Variants in CNGB1 observed in about 807,000 individuals in gnomAD.
CNGB1 encodes cyclic nucleotide gated channel subunit beta 1.
CNGB1 carries 126 observed loss-of-function variants against 151.7 expected under a neutral mutation model. The ratio of observed to expected loss-of-function variants is 0.83; its 90% CI spans 0.72 to 0.96. The LOEUF (loss-of-function observed/expected upper bound fraction) is 0.96, where lower values mean the gene tolerates loss of function less well. CNGB1 is among the 40% of genes least tolerant of loss of function. The probability of loss-of-function intolerance (pLI) is 0.00; values close to 1 mark genes in which losing one functional copy is unlikely to be tolerated. For missense variants in CNGB1, 1,698 were observed against 1,627.0 expected, an observed-to-expected ratio of 1.04 and a Z score of -0.75; for synonymous variants, 623 against 635.1, an observed-to-expected ratio of 0.98 and a Z score of 0.29.
At chr16:57,962,431 C>T in intron 7 of CNGB1, 134 bp downstream of exon 7, 1 of 816,286 alleles carries the variant, frequency 1.2e-6, no homozygotes, top group Non-Finnish European at 2.2e-6. Context: ...TGGCTGGAAA[C>T]AGGCCCAGAA....
In CNGB1 at chr16:57,904,074, C is replaced by T. The variant is rs535858890; in HGVS notation, c.2635-93G>A. 105 of 1,196,000 alleles carry T rather than the reference C, an allele frequency of 8.8e-5. 2 individuals are homozygous for T. The South Asian group carries it at 1.3e-3, about 15-fold the overall frequency. The allele number at this position is 1,196,000 out of a possible 1,614,324, so 74.1% of individuals were successfully genotyped here. A position where few individuals can be genotyped will look rare whatever the true frequency, so the allele number is the denominator to read the frequency against. On this transcript the variant is annotated intron_variant, in intron 26 of 32. Transcript: ENST00000251102. ...TTTGGGATGTGTCACTTCACACAGA[C>T]CACGGGCATGTGCTCCTGGCAGGGC... is the stretch of plus-strand genomic sequence containing the variant.
rs116508796 is a variant in CNGB1 at position 57,935,643 on chromosome 16, G to A, written c.1373-3765C>T. Among the ~76,000 whole-genome samples, 1,160 of 151,774 alleles carry A rather than the reference G, an allele frequency of 7.6e-3. 13 individuals are homozygous for A. The highest frequency in any genetic ancestry group is 0.026 in the African/African-American group (1,068 of 41,404). ...AGCCCGAGCAACAGAGCAAGACTCC[G>A]TCCCCCCCCAAAAAAAAATAGAATT... On this transcript the variant is annotated intron_variant, in intron 16 of 32. Coordinates refer to ENST00000251102, the MANE Select transcript of CNGB1 (RefSeq NM_001297.5).
intron 10 of CNGB1, among the ~76,000 whole-genome samples, chr16:57,958,728 C>T (rs1207201344): frequency 4.4e-5 from 6 of 136,890 alleles, no homozygotes; most frequent in Admixed American, 7.5e-5. Context: ...CACCCGTTCT[C>T]GGAAGGGAGT....
intron 12 of CNGB1, among the ~76,000 whole-genome samples, chr16:57,956,391 G>A (rs764128250): frequency 2.0e-5 from 3 of 152,134 alleles, no homozygotes; most frequent in South Asian, 2.1e-4. Flanking sequence ...TCATGTCATC[G>A]CCATGATTAC....
intron 18 of CNGB1, among the ~76,000 whole-genome samples, chr16:57,922,863 CT>C (rs60779514): frequency 1.3e-3 from 184 of 146,626 alleles, no homozygotes; most frequent in African/African-American, 1.6e-3. Flanking sequence ...GCCAGGGAAT[CT>C]TTTTTTTTTT....
rs72091541 is a variant in CNGB1 at position 57,888,467 on chromosome 16, G to GTC, written c.3243-395_3243-394dup. Among the ~76,000 whole-genome samples the GTC allele has an allele frequency of 6.0e-4, 88 of 147,522 alleles. 1 individual carries two copies. Among genetic ancestry groups the GTC allele is most frequent in the African/African-American group, 1.1e-3 (45 of 40,524 alleles). The stretch of plus-strand genomic sequence containing the variant: ...CCTCTCTCTCTCTGTCTCTGTCTCT[G>GTC]TCTCTCTCTCTCTCTCTTTCTCACA... On this transcript the variant is annotated intron_variant, in intron 31 of 32. Coordinates refer to ENST00000251102, the MANE Select transcript of CNGB1 (RefSeq NM_001297.5).
At chr16:57,960,578 G>A (rs1265511661) in intron 8 of CNGB1, 48 bp from the exon 9 acceptor site, 1 of 1,593,652 alleles carries the variant, frequency 6.3e-7, no homozygotes. Context: ...CAAGCTCTGT[G>A]CGCTTCCCCA....
At chr16:57,897,079 C>A (rs1213226945) in intron 31 of CNGB1, among the ~76,000 whole-genome samples, 1 of 152,010 alleles carries the variant, frequency 6.6e-6, no homozygotes, top group East Asian at 1.9e-4. Flanking sequence ...CAGAGCAGAT[C>A]ATGTGAGCCC....
At position 57,884,096 on chromosome 16, in the gene CNGB1, C is replaced by T. The variant is rs1959831912; in HGVS notation, c.*68G>A. ...CGTGGGGGAAGGTGGGGCGCTGGGGCGCAGGGGCGCAGCGGGCGCTGGGGA... is the reference window on the plus strand; with the variant it reads ...CGTGGGGGAAGGTGGGGCGCTGGGGTGCAGGGGCGCAGCGGGCGCTGGGGA... On this transcript the variant is annotated 3_prime_UTR_variant, in exon 33 of 33. Transcript: ENST00000251102. 1.1e-5 allele frequency: 17 copies of T among 1,605,046 alleles called. No individual in the cohort carries two copies. The highest frequency in any genetic ancestry group is 1.5e-5 in the Non-Finnish European group (17 of 1,172,378).
At chr16:57,939,613 A>G in intron 15 of CNGB1, 21 bp from the exon 16 acceptor site, 2 of 1,613,964 alleles carry the variant, frequency 1.2e-6, no homozygotes, top group Non-Finnish European at 1.7e-6. Context: ...TAAAGTGAAA[A>G]CAGAAACTGT....
At chr16:57,915,146 A>G in intron 23 of CNGB1, 103 bp downstream of exon 23, 1 of 889,544 alleles carries the variant, frequency 1.1e-6, no homozygotes, top group Non-Finnish European at 1.8e-6. Context: ...TCCCTTGAGG[A>G]ACTCCCCTCC....
Position 57,962,853 on chromosome 16 carries a change from G to T in CNGB1, c.401C>A (p.Thr134Asn). ...CCCCTTGTTCTTACCTGTGTCCCCA[G>T]TGCTGCCATGCCCCAGGATCTGCCA... ...DPAQILGHGSTGDTGCTDEPN... is the reference protein window; with the variant it reads ...DPAQILGHGSNGDTGCTDEPN... The change falls in exon 6 of 33, where the codon ACT (threonine) becomes AAT (asparagine). Residue 134 changes from threonine (T) to asparagine (N), a missense_variant. Coordinates refer to ENST00000251102, the MANE Select transcript of CNGB1 (RefSeq NM_001297.5). 1.2e-6 allele frequency: 2 copies of T among 1,612,748 alleles called. No homozygotes were observed. Among genetic ancestry groups the T allele is most frequent in the Non-Finnish European group, 1.7e-6 (2 of 1,180,028 alleles).
Position 57,895,959 on chromosome 16 carries a change from A to G in CNGB1, c.3242+1438T>C, listed in dbSNP as rs73562955. 8.6e-3 allele frequency among the ~76,000 whole-genome samples: 1,303 copies of G among 152,342 alleles called. 20 individuals carry two copies. Among genetic ancestry groups the G allele is most frequent in the African/African-American group, 0.03 (1,236 of 41,574 alleles). On this transcript the variant is annotated intron_variant, in intron 31 of 32. Coordinates refer to ENST00000251102, the MANE Select transcript of CNGB1 (RefSeq NM_001297.5). ...GAATCAAGTAAATCCATGCCTATAT[A>G]CATTGAGAAATGAATAAACAAATGG...
Position 57,885,580 on chromosome 16 carries a change from T to TCTCTCTCTCTCTCTCTC in CNGB1, c.3463-1124_3463-1123insGAGAGAGAGAGAGAGAG, listed in dbSNP as rs746385217. On this transcript the variant is annotated intron_variant, in intron 32 of 32. Coordinates refer to ENST00000251102, the MANE Select transcript of CNGB1 (RefSeq NM_001297.5). ...TTCCTCTCTCTCTCTCTCTCTCTCT[T>TCTCTCTCTCTCTCTCTC]TCTTTCTTTCTTTCTTTCTTTCTTT... is the stretch of plus-strand genomic sequence containing the variant. 3.0e-3 allele frequency among the ~76,000 whole-genome samples: 172 copies of TCTCTCTCTCTCTCTCTC among 56,804 alleles called. 2 individuals carry two copies. The highest frequency in any genetic ancestry group is 9.3e-3 in the South Asian group (11 of 1,182). 37.3% of individuals were successfully genotyped at this position (56,804 alleles called of 152,430 possible).
intron 29 of CNGB1, among the ~76,000 whole-genome samples, chr16:57,899,135 G>A (rs377201238): frequency 6.6e-6 from 1 of 152,152 alleles, no homozygotes; most frequent in African/African-American, 2.4e-5. Flanking sequence ...GCAGCCTGGA[G>A]AATGAATACA....
rs1959823358 is a variant in CNGB1 at position 57,883,887 on chromosome 16, GAA to G, written c.*275_*276del. 1.8e-6 allele frequency: 1 copy of G among 567,482 alleles called. No homozygotes were observed. Among genetic ancestry groups the G allele is most frequent in the African/African-American group, 1.9e-5 (1 of 53,100 alleles). The allele number at this position is 567,482 out of a possible 1,614,324, so 35.2% of individuals were successfully genotyped here. A position where few individuals can be genotyped will look rare whatever the true frequency, so the allele number is the denominator to read the frequency against. ...AAAATCATTTTGTTCTTAAAAAGAG[GAA>G]CAGTCAGGAAAAGGTAGGGCTCTCA... On this transcript the variant is annotated 3_prime_UTR_variant, in exon 33 of 33. Coordinates refer to ENST00000251102, the MANE Select transcript of CNGB1 (RefSeq NM_001297.5).
chr16:57,906,405 A>T (rs747347958), intron 25 of CNGB1, among the ~76,000 whole-genome samples: 2 of 152,152 alleles, frequency 1.3e-5, no homozygotes, highest in Non-Finnish European at 2.9e-5. Context: ...CCATATCCTC[A>T]AGAAGCTCGT....
In CNGB1 at chr16:57,967,282, A is replaced by C. The variant is rs781036792; in HGVS notation, c.5T>G (p.Leu2Trp). Reference protein sequence around the residue: MLGWVQRVLPQP... With the variant: MWGWVQRVLPQP... ...AGGCAGCACCCTCTGGACCCAGCCCAACATCCTGATGCCTGTAGGAGACAG... is the reference window on the plus strand; with the variant it reads ...AGGCAGCACCCTCTGGACCCAGCCCCACATCCTGATGCCTGTAGGAGACAG... Residue 2 changes from leucine to tryptophan, a missense_variant, in exon 2 of 33, where the codon TTG becomes TGG. Leu to Trp is a moderately conservative substitution (Grantham distance 61, BLOSUM62 -2). Coordinates refer to ENST00000251102, the MANE Select transcript of CNGB1 (RefSeq NM_001297.5). 12 of 1,614,176 alleles carry C rather than the reference A, an allele frequency of 7.4e-6. No homozygotes were observed. The Admixed American group carries it at 2.0e-4, about 27-fold the overall frequency.
chr16:57,960,869 C>T lies in CNGB1; in HGVS notation c.505G>A (p.Val169Met), dbSNP rs772186517. 1.4e-5 allele frequency: 22 copies of T among 1,614,098 alleles called. No homozygotes were observed. The highest frequency in any genetic ancestry group is 2.7e-5 in the African/African-American group (2 of 75,040). The change falls in exon 8 of 33, where the codon GTG becomes ATG. Residue 169 changes from valine (V) to methionine (M), a missense_variant. By Grantham distance (21) the Val-to-Met change is conservative. Coordinates refer to ENST00000251102, the MANE Select transcript of CNGB1 (RefSeq NM_001297.5). ...LLWLEQNLERVLPQPPKSSEV... is the reference protein window; with the variant it reads ...LLWLEQNLERMLPQPPKSSEV... ...GAGGATTTGGGGGGCTGAGGAAGCA[C>T]TCTTTCCAGATTCTGCTCCAGCCAC... is the stretch of plus-strand genomic sequence containing the variant.
Sources: gnomAD v4.1 joint callset for allele counts (sites outside exome capture counted in the v4.1 genomes callset) on GRCh38, gnomAD v4.1.1 for gene constraint, MANE v1.5 for transcripts, NCBI Gene and HGNC (gene_info 2026-07-23, HGNC 2026-07-21) for gene names.